The following PRKAR2B variants were observed in gnomAD, a reference collection of about 807,000 sequenced individuals.
PRKAR2B encodes the protein protein kinase cAMP-dependent type II regulatory subunit beta, also known as cAMP-dependent protein kinase type II-beta regulatory subunit.
PRKAR2B carries 14 observed loss-of-function variants against 49.9 expected under a neutral mutation model. That is an observed-to-expected ratio of 0.28 (90% CI 0.19 to 0.44). The LOEUF is 0.44. PRKAR2B is among the 20% of genes least tolerant of loss of function. PRKAR2B has a pLI of 1.00. For synonymous variants in PRKAR2B, 196 were observed against 197.7 expected (o/e 0.99, Z 0.07); for missense variants, 393 against 537.9 (o/e 0.73, Z 2.67).
chr7:107,140,738 T>C (rs908902589), intron 4 of PRKAR2B, 109 bp from the exon 5 acceptor site: 3 of 697,504 alleles, frequency 4.3e-6, no homozygotes, highest in African/African-American at 1.8e-5. Context: ...GTGGTAGTTA[T>C]GATTATTTCC....
chr7:107,143,144 T>A (rs1033915693), intron 5 of PRKAR2B, among the ~76,000 whole-genome samples: 25 of 152,320 alleles, frequency 1.6e-4, no homozygotes, highest in African/African-American at 6.0e-4. Flanking sequence ...CTCGGCACAT[T>A]TGGCTTTGTT....
chr7:107,102,891 G>C (rs2116815493), intron 2 of PRKAR2B, among the ~76,000 whole-genome samples: 1 of 152,226 alleles, frequency 6.6e-6, no homozygotes, highest in South Asian at 2.1e-4. Flanking sequence ...GGTGGGTCTT[G>C]AACTTCTGAC....
At chr7:107,058,479 A>C (rs908469489) in intron 1 of PRKAR2B, among the ~76,000 whole-genome samples, 10 of 152,208 alleles carry the variant, frequency 6.6e-5, no homozygotes, top group Non-Finnish European at 1.5e-4. Context: ...TTCTGTACTT[A>C]TTCAACTACA....
intron 4 of PRKAR2B, among the ~76,000 whole-genome samples, chr7:107,137,855 A>G (rs1469882511): frequency 6.6e-6 from 1 of 152,100 alleles, no homozygotes; most frequent in Non-Finnish European, 1.5e-5. Context: ...CTTTTCTGGA[A>G]GCTTTGCAGA....
chr7:107,141,751 TA>T, intron 5 of PRKAR2B, among the ~76,000 whole-genome samples: 1 of 152,254 alleles, frequency 6.6e-6, no homozygotes, highest in East Asian at 1.9e-4. Flanking sequence ...CACAGGGGCA[TA>T]AGGTGAAAAG....
At chr7:107,150,569 A>AT (rs1026903565) in intron 6 of PRKAR2B, among the ~76,000 whole-genome samples, 1 of 80,332 alleles carries the variant, frequency 1.2e-5, no homozygotes, top group African/African-American at 5.6e-5. Flanking sequence ...CGTAGAGTAC[A>AT]TAACAGAGTA....
intron 1 of PRKAR2B, among the ~76,000 whole-genome samples, chr7:107,050,537 A>T (rs1399042696): frequency 1.3e-5 from 2 of 152,076 alleles, no homozygotes; most frequent in African/African-American, 4.8e-5. Flanking sequence ...GTGCAAATAC[A>T]AACAGGGGAC....
intron 1 of PRKAR2B, among the ~76,000 whole-genome samples, chr7:107,059,695 A>AGTGT (rs1793987971): frequency 1.2e-5 from 1 of 84,334 alleles, no homozygotes; most frequent in African/African-American, 6.5e-5. Flanking sequence ...TGCTGTAGTG[A>AGTGT]ATGTGTGTGT....
Position 107,044,872 on chromosome 7 carries a change from G to A in PRKAR2B, c.-36G>A. On this transcript the variant is annotated 5_prime_UTR_variant, in exon 1 of 11. Coordinates refer to ENST00000265717, the MANE Select transcript of PRKAR2B (RefSeq NM_002736.3). The stretch of plus-strand genomic sequence containing the variant: ...CTAGGCCGTGCCGGGGAGGGGGCGA[G>A]GGCGGCGCCCAGGCGCCTGCCGCCC... The A allele has an allele frequency of 6.5e-7, 1 of 1,547,528 alleles. No homozygotes were observed. The highest frequency in any genetic ancestry group is 8.7e-7 in the Non-Finnish European group (1 of 1,150,898).
At chr7:107,072,915 T>G (rs1215029402) in intron 2 of PRKAR2B, among the ~76,000 whole-genome samples, 1 of 152,196 alleles carries the variant, frequency 6.6e-6, no homozygotes, top group Non-Finnish European at 1.5e-5. Context: ...TAAAATCAAC[T>G]GGAAGTCTGT....
At chr7:107,049,611 T>TA (rs1372707718) in intron 1 of PRKAR2B, among the ~76,000 whole-genome samples, 8 of 152,178 alleles carry the variant, frequency 5.3e-5, no homozygotes, top group Non-Finnish European at 1.2e-4. Context: ...CTTACAGAGT[T>TA]ATATACTTTT....
At chr7:107,140,120 C>T (rs1795764702) in intron 4 of PRKAR2B, among the ~76,000 whole-genome samples, 1 of 152,212 alleles carries the variant, frequency 6.6e-6, no homozygotes, top group African/African-American at 2.4e-5. Context: ...ATTTCTTTCA[C>T]CTCCTAGTTT....
chr7:107,108,662 C>T (rs1029791054), intron 2 of PRKAR2B, among the ~76,000 whole-genome samples: 1 of 152,164 alleles, frequency 6.6e-6, no homozygotes, highest in Non-Finnish European at 1.5e-5. Flanking sequence ...TTATTAGTCA[C>T]CAGGAATGAT....
At chr7:107,117,419 T>C (rs1052047449) in intron 2 of PRKAR2B, among the ~76,000 whole-genome samples, 7 of 152,188 alleles carry the variant, frequency 4.6e-5, no homozygotes, top group African/African-American at 1.7e-4. Flanking sequence ...TTATATATTT[T>C]ATGGAAGTCA....
intron 6 of PRKAR2B, among the ~76,000 whole-genome samples, chr7:107,150,276 C>G (rs2115663326): frequency 6.6e-6 from 1 of 152,192 alleles, no homozygotes; most frequent in South Asian, 2.1e-4. Flanking sequence ...TAAACAGGAA[C>G]ATTTTAGACT....
intron 2 of PRKAR2B, among the ~76,000 whole-genome samples, chr7:107,096,423 T>C (rs936227381): frequency 6.6e-6 from 1 of 152,194 alleles, no homozygotes; most frequent in African/African-American, 2.4e-5. Context: ...GCTAGCGGTC[T>C]GTCAATTTTG....
At chr7:107,100,552 T>G (rs888984349) in intron 2 of PRKAR2B, among the ~76,000 whole-genome samples, 2 of 152,212 alleles carry the variant, frequency 1.3e-5, no homozygotes, top group Non-Finnish European at 2.9e-5. Context: ...ATTTGGAAAG[T>G]TGGCCATTTT....
chr7:107,104,250 G>T (rs973842481), intron 2 of PRKAR2B, among the ~76,000 whole-genome samples: 1 of 152,080 alleles, frequency 6.6e-6, no homozygotes, highest in African/African-American at 2.4e-5. Context: ...GTCCAGGCTG[G>T]CCTCGAACTC....
intron 3 of PRKAR2B, among the ~76,000 whole-genome samples, chr7:107,126,641 G>C (rs1175709890): frequency 1.3e-5 from 2 of 152,134 alleles, no homozygotes; most frequent in Non-Finnish European, 2.9e-5. Flanking sequence ...TCAGCAGGCA[G>C]ACATCTCGGT....
Sources: gnomAD v4.1 joint callset for allele counts (sites outside exome capture counted in the v4.1 genomes callset) on GRCh38, gnomAD v4.1.1 for gene constraint, MANE v1.5 for transcripts, NCBI Gene and HGNC (gene_info 2026-07-23, HGNC 2026-07-21) for gene names.